The following PPP4R4 variants were observed in gnomAD, a reference collection of about 807,000 sequenced individuals.
PPP4R4 encodes the protein serine/threonine-protein phosphatase 4 regulatory subunit 4.
Under a neutral mutation model 121.8 loss-of-function variants are expected in PPP4R4, and 70 were observed. That is an observed-to-expected ratio of 0.57 (90% CI 0.47 to 0.70). The LOEUF (loss-of-function observed/expected upper bound fraction) is 0.70. PPP4R4 is among the 30% of genes least tolerant of loss of function. The pLI is 0.00. For synonymous variants in PPP4R4, 348 were observed against 355.7 expected (o/e 0.98, Z 0.24); for missense variants, 875 against 1,033.6 (o/e 0.85, Z 2.10).
At chr14:94,228,067 GA>G (rs1275271665) in intron 3 of PPP4R4, among the ~76,000 whole-genome samples, 1 of 151,982 alleles carries the variant, frequency 6.6e-6, no homozygotes, top group Non-Finnish European at 1.5e-5. Context: ...ACTTTTGGTT[GA>G]AAAAACATGT....
At chr14:94,272,816 C>T (rs1353433002) in intron 23 of PPP4R4, among the ~76,000 whole-genome samples, 1 of 151,966 alleles carries the variant, frequency 6.6e-6, no homozygotes, top group African/African-American at 2.4e-5. Flanking sequence ...AAACTAACAA[C>T]CTGATTAAAA....
chr14:94,240,986 C>A (rs943959476), intron 9 of PPP4R4, among the ~76,000 whole-genome samples, 191 bp downstream of exon 9: 2 of 151,996 alleles, frequency 1.3e-5, no homozygotes, highest in South Asian at 2.1e-4. Flanking sequence ...ACCAATAGAA[C>A]CTATTTGAAA....
At chr14:94,177,835 C>A (rs1406948928) in intron 2 of PPP4R4, among the ~76,000 whole-genome samples, 1 of 152,148 alleles carries the variant, frequency 6.6e-6, no homozygotes, top group Non-Finnish European at 1.5e-5. Flanking sequence ...TTACAAAGCC[C>A]TTAAAGAGAC....
At chr14:94,201,310 G>A (rs866690248) in intron 2 of PPP4R4, among the ~76,000 whole-genome samples, 1 of 152,134 alleles carries the variant, frequency 6.6e-6, no homozygotes, top group Non-Finnish European at 1.5e-5. Context: ...CAGTTGTTGG[G>A]TAGCATGTTC....
chr14:94,250,671 A>G (rs1893134037), intron 15 of PPP4R4, among the ~76,000 whole-genome samples: 1 of 151,952 alleles, frequency 6.6e-6, no homozygotes, highest in South Asian at 2.1e-4. Flanking sequence ...AGTTGATAGT[A>G]TATTTGAATA....
rs753506105 is a variant in PPP4R4 at position 94,174,535 on chromosome 14, C to T, written c.70C>T (p.Leu24=). 6.2e-6 allele frequency: 10 copies of T among 1,612,524 alleles called. No individual in the cohort carries two copies. The highest frequency in any genetic ancestry group is 3.3e-4 in the Middle Eastern group (2 of 6,036). Residue 24 remains leucine, a synonymous_variant, in exon 1 of 25, where the codon CTG becomes TTG. Transcript: ENST00000304338. ...CAGCCTGTTCGGTTACATGGAGGACCTGCAGGAGCTCACCATCATCGAGAG... is the reference window on the plus strand; with the variant it reads ...CAGCCTGTTCGGTTACATGGAGGACTTGCAGGAGCTCACCATCATCGAGAG... ...QNSLFGYMED[L]QELTIIERPV...
Position 94,244,664 on chromosome 14 carries a change from T to C in PPP4R4, c.1296T>C (p.Tyr432=), listed in dbSNP as rs776786880. 6.7e-7 allele frequency: 1 copy of C among 1,497,780 alleles called. No individual in the cohort carries two copies. Among genetic ancestry groups the C allele is most frequent in the South Asian group, 1.2e-5 (1 of 83,284 alleles). 92.8% of individuals were successfully genotyped at this position (1,497,780 alleles called of 1,614,324 possible). ...CTAAGCTTCTGAATTCTGGAGTATA[T>C]TTAATACATAAAGAACTAATAACAT... ...EVSKLLNSGV[Y]LIHKELITLL... is the part of the protein sequence containing the mutation. The change falls in exon 12 of 25, where the codon TAT becomes TAC. Residue 432 remains tyrosine, a synonymous_variant. Coordinates refer to ENST00000304338, the MANE Select transcript of PPP4R4 (RefSeq NM_058237.2).
intron 2 of PPP4R4, among the ~76,000 whole-genome samples, chr14:94,177,270 C>T (rs1888728625): frequency 1.3e-5 from 2 of 152,264 alleles, no homozygotes; most frequent in Admixed American, 1.3e-4. Flanking sequence ...ATTTTCCCCC[C>T]TCTTTGGGGT....
At chr14:94,259,982 C>G (rs1198768494) in intron 19 of PPP4R4, among the ~76,000 whole-genome samples, 1 of 152,086 alleles carries the variant, frequency 6.6e-6, no homozygotes, top group Non-Finnish European at 1.5e-5. Context: ...TGGCTTACTT[C>G]TAATTTGGGG....
chr14:94,243,354 G>A (rs1892729613), intron 11 of PPP4R4, among the ~76,000 whole-genome samples: 1 of 151,948 alleles, frequency 6.6e-6, no homozygotes, highest in African/African-American at 2.4e-5. Flanking sequence ...GGAGGAGCGG[G>A]GATAGGGCAG....
At chr14:94,271,641 C>G (rs1894333842) in intron 23 of PPP4R4, among the ~76,000 whole-genome samples, 1 of 152,098 alleles carries the variant, frequency 6.6e-6, no homozygotes, top group South Asian at 2.1e-4. Context: ...TACCATCATA[C>G]TGGAAGTTCT....
chr14:94,180,780 A>G (rs575097951), intron 2 of PPP4R4, among the ~76,000 whole-genome samples: 20 of 151,700 alleles, frequency 1.3e-4, no homozygotes, highest in Non-Finnish European at 2.7e-4. Context: ...CTCCACAGCC[A>G]CTGCCCCCGA....
chr14:94,226,887 T>G (rs1891736135), intron 3 of PPP4R4, among the ~76,000 whole-genome samples: 1 of 152,216 alleles, frequency 6.6e-6, no homozygotes, highest in Non-Finnish European at 1.5e-5. Context: ...CTTAAACACT[T>G]GCTCTTTTGG....
intron 2 of PPP4R4, among the ~76,000 whole-genome samples, chr14:94,177,328 T>C (rs972124655): frequency 6.6e-6 from 1 of 152,218 alleles, no homozygotes; most frequent in Non-Finnish European, 1.5e-5. Flanking sequence ...CAAAGAAAAC[T>C]TCTATTTATG....
chr14:94,245,466 C>T (rs1892843588), intron 12 of PPP4R4, 121 bp from the exon 13 acceptor site: 1 of 487,282 alleles, frequency 2.1e-6, no homozygotes, highest in South Asian at 6.1e-5. Context: ...AATACAAATC[C>T]TCAAAATGTT....
At chr14:94,259,429 T>TGGCACTGGGAGTTACTAGAAATTAGTTAG in intron 19 of PPP4R4, 60 bp downstream of exon 19, 1 of 1,430,250 alleles carries the variant, frequency 7.0e-7, no homozygotes. Context: ...TGTGTTTTTT[T>TGGCACTGGGAGTTACTAGAAATTAGTTAG]ATTAAACTTA....
intron 2 of PPP4R4, among the ~76,000 whole-genome samples, chr14:94,196,664 T>C (rs941864812): frequency 3.3e-5 from 5 of 152,146 alleles, no homozygotes; most frequent in Non-Finnish European, 7.4e-5. Context: ...TTTATTTCTC[T>C]TGAAGTATTA....
At chr14:94,250,398 A>G (rs2139596648) in intron 15 of PPP4R4, 121 bp downstream of exon 15, 1 of 629,118 alleles carries the variant, frequency 1.6e-6, no homozygotes, top group South Asian at 2.1e-5. Flanking sequence ...GTTTTATAAG[A>G]TGATTTTTAT....
chr14:94,180,161 T>C (rs1278743913), intron 2 of PPP4R4, among the ~76,000 whole-genome samples: 1 of 152,212 alleles, frequency 6.6e-6, no homozygotes, highest in Non-Finnish European at 1.5e-5. Context: ...TCCTTTTCCC[T>C]TTCCCTACTT....
Sources: allele counts gnomAD v4.1 joint callset (sites outside exome capture counted in the v4.1 genomes callset), GRCh38; gene constraint gnomAD v4.1.1; transcripts MANE v1.5; gene names NCBI Gene and HGNC (gene_info 2026-07-23, HGNC 2026-07-21).